PTPRD: variants seen among roughly 807,000 people sequenced by gnomAD.
PTPRD encodes the protein receptor-type tyrosine-protein phosphatase delta.
In PTPRD, 34 loss-of-function variants were observed where a neutral mutation model predicts 214.5. The ratio of observed to expected loss-of-function variants is 0.16; its 90% confidence interval spans 0.12 to 0.21. The LOEUF is 0.21. Among genes scored for constraint, PTPRD ranks in the 10% least tolerant of loss-of-function variants. The pLI, the probability that PTPRD is intolerant of heterozygous loss-of-function variation, is 1.00. For missense variants in PTPRD, 2,545 were observed against 2,398.7 expected, an observed-to-expected ratio of 1.06 and a Z score of -1.27; for synonymous variants, 1,128 against 845.7, an observed-to-expected ratio of 1.33 and a Z score of -5.79.
intron 9 of PTPRD, among the ~76,000 whole-genome samples, chr9:9,256,715 C>G (rs1425461650): frequency 6.6e-6 from 1 of 151,932 alleles, no homozygotes; most frequent in Non-Finnish European, 1.5e-5. Flanking sequence ...TGACTAATTA[C>G]AAGATTTCCA....
At chr9:9,856,797 T>C (rs2061643431) in intron 5 of PTPRD, among the ~76,000 whole-genome samples, 1 of 152,052 alleles carries the variant, frequency 6.6e-6, no homozygotes, top group African/African-American at 2.4e-5. Flanking sequence ...GATGCCCCCA[T>C]GGAAAATGGT....
intron 2 of PTPRD, among the ~76,000 whole-genome samples, chr9:10,575,106 A>G (rs1397281316): frequency 6.6e-6 from 1 of 151,954 alleles, no homozygotes; most frequent in Non-Finnish European, 1.5e-5. Context: ...GATTACTGAA[A>G]TCACTGGCTA....
At chr9:9,477,358 T>G (rs531752643) in intron 8 of PTPRD, among the ~76,000 whole-genome samples, 110 of 152,296 alleles carry the variant, frequency 7.2e-4, no homozygotes, top group Non-Finnish European at 1.3e-3. Context: ...TTCTCATAAG[T>G]GGGATTCCTT....
intron 8 of PTPRD, among the ~76,000 whole-genome samples, chr9:9,513,574 T>A (rs2096761615): frequency 7.2e-6 from 1 of 138,988 alleles, no homozygotes; most frequent in African/African-American, 2.8e-5. Flanking sequence ...AATAACCTGA[T>A]AAAGATATAT....
At chr9:9,966,782 A>G (rs1196413455) in intron 4 of PTPRD, among the ~76,000 whole-genome samples, 4 of 152,190 alleles carry the variant, frequency 2.6e-5, no homozygotes, top group Non-Finnish European at 5.9e-5. Context: ...ATTAACTTAA[A>G]AATACAAAAA....
intron 2 of PTPRD, among the ~76,000 whole-genome samples, chr9:10,507,219 ACCTAGGAAT>A (rs1435909200): frequency 1.3e-5 from 2 of 152,240 alleles, no homozygotes; most frequent in African/African-American, 4.8e-5. Flanking sequence ...AGAATAAAAT[ACCTAGGAAT>A]CCAACTTACA....
chr9:10,031,984 A>C (rs941754475), intron 4 of PTPRD, among the ~76,000 whole-genome samples: 7 of 152,088 alleles, frequency 4.6e-5, no homozygotes, highest in Non-Finnish European at 7.4e-5. Flanking sequence ...TAAAGATTTA[A>C]TGTAGGCTGC....
chr9:9,055,544 G>A (rs10977457), intron 10 of PTPRD, among the ~76,000 whole-genome samples: 18,872 of 151,966 alleles, frequency 0.12, 1,464 homozygotes, highest in East Asian at 0.36. Flanking sequence ...CATAAAATTA[G>A]CTATCACAAG....
intron 30 of PTPRD, among the ~76,000 whole-genome samples, chr9:8,476,441 G>A (rs904502199): frequency 2.0e-5 from 3 of 152,078 alleles, no homozygotes; most frequent in Non-Finnish European, 2.9e-5. Context: ...TGGCCCAGGG[G>A]TTGGAGATCT....
chr9:10,325,334 T>C (rs2096624142), intron 3 of PTPRD, among the ~76,000 whole-genome samples: 1 of 152,012 alleles, frequency 6.6e-6, no homozygotes, highest in Admixed American at 6.6e-5. Context: ...TTTAATGTTC[T>C]ACTGAGGCAG....
At chr9:9,144,317 T>C (rs2099864962) in intron 10 of PTPRD, among the ~76,000 whole-genome samples, 1 of 152,210 alleles carries the variant, frequency 6.6e-6, no homozygotes, top group Non-Finnish European at 1.5e-5. Context: ...CTGCAATTTG[T>C]CACTTTTTGA....
intron 11 of PTPRD, among the ~76,000 whole-genome samples, chr9:8,872,429 T>C (rs936084252): frequency 6.6e-6 from 1 of 152,208 alleles, no homozygotes; most frequent in Admixed American, 6.6e-5. Flanking sequence ...TTGTTAACAA[T>C]GTTGTATTAT....
intron 14 of PTPRD, among the ~76,000 whole-genome samples, chr9:8,582,096 G>T (rs1453053673): frequency 6.6e-6 from 1 of 152,002 alleles, no homozygotes. Context: ...TTTGAAAATG[G>T]TAATGACAAA....
At chr9:10,563,065 C>A (rs1476252690) in intron 2 of PTPRD, among the ~76,000 whole-genome samples, 5 of 152,134 alleles carry the variant, frequency 3.3e-5, no homozygotes, top group East Asian at 1.9e-4. Context: ...GAATGCCTAT[C>A]CTTCAAATAT....
At chr9:8,696,935 C>G (rs117502304) in intron 12 of PTPRD, among the ~76,000 whole-genome samples, 39 of 152,110 alleles carry the variant, frequency 2.6e-4, no homozygotes, top group Non-Finnish European at 4.4e-4. Context: ...ATACCTTGAA[C>G]TTTCCAATAA....
intron 10 of PTPRD, among the ~76,000 whole-genome samples, chr9:9,125,528 A>C (rs2099829145): frequency 6.6e-6 from 1 of 152,202 alleles, no homozygotes; most frequent in Admixed American, 6.5e-5. Context: ...ACTTCAGACT[A>C]TGAGCCTTCA....
At chr9:10,427,967 T>C (rs1251598477) in intron 2 of PTPRD, among the ~76,000 whole-genome samples, 2 of 152,134 alleles carry the variant, frequency 1.3e-5, no homozygotes, top group African/African-American at 2.4e-5. Context: ...TGCATGTTTG[T>C]ATTTTAAAAT....
intron 43 of PTPRD, among the ~76,000 whole-genome samples, chr9:8,332,938 G>A (rs969855344): frequency 6.6e-6 from 1 of 152,084 alleles, no homozygotes; most frequent in African/African-American, 2.4e-5. Flanking sequence ...ATACACGTGT[G>A]CATGTTCCCA....
chr9:10,303,272 G>T (rs1217861866), intron 3 of PTPRD, among the ~76,000 whole-genome samples: 3 of 152,148 alleles, frequency 2.0e-5, no homozygotes, highest in Non-Finnish European at 4.4e-5. Context: ...GTGTTTAGGG[G>T]AAATTTATAG....
Sources: gnomAD v4.1 joint callset for allele counts (sites outside exome capture counted in the v4.1 genomes callset) on GRCh38, gnomAD v4.1.1 for gene constraint, MANE v1.5 for transcripts, NCBI Gene and HGNC (gene_info 2026-07-23, HGNC 2026-07-21) for gene names.